Variants in ITGBL1 observed in about 807,000 individuals in gnomAD.
The protein encoded by ITGBL1 is integrin beta-like protein 1.
ITGBL1 carries 51 observed loss-of-function variants against 68.5 expected under a neutral mutation model. That is an observed-to-expected ratio of 0.74 (90% confidence interval 0.59 to 0.94). The LOEUF is 0.94. Ranked by LOEUF, ITGBL1 falls within the 40% of genes least tolerant of loss-of-function variation. The pLI is 0.00. For synonymous variants in ITGBL1, 209 were observed against 227.3 expected (o/e 0.92, Z 0.72); for missense variants, 649 against 647.4 (o/e 1.00, Z -0.03).
chr13:101,548,621 A>G (rs1477687248), intron 2 of ITGBL1, among the ~76,000 whole-genome samples: 3 of 151,806 alleles, frequency 2.0e-5, no homozygotes, highest in Non-Finnish European at 4.4e-5. Context: ...ACATTGTTTT[A>G]TACATAGAAG....
At chr13:101,706,733 C>T (rs200757366) in intron 8 of ITGBL1, 23 bp from the exon 9 acceptor site, 1 of 1,610,072 alleles carries the variant, frequency 6.2e-7, no homozygotes, top group Non-Finnish European at 8.5e-7. Flanking sequence ...TCCTCTCACT[C>T]CTTTCCTGTG....
At chr13:101,507,923 C>T (rs1747218399) in intron 2 of ITGBL1, among the ~76,000 whole-genome samples, 1 of 152,134 alleles carries the variant, frequency 6.6e-6, no homozygotes, top group Non-Finnish European at 1.5e-5. Flanking sequence ...TTTTAAGGCA[C>T]CAAACCTTTT....
At position 101,613,777 on chromosome 13, in the gene ITGBL1, G is replaced by GA. The variant is rs141975928; in HGVS notation, c.1015+15479dup. On this transcript the variant is annotated intron_variant, in intron 7 of 10. Coordinates refer to ENST00000376180, the MANE Select transcript of ITGBL1 (RefSeq NM_004791.3). ...CCAGTGCTGAGTTCCCACCCGACTT[G>GA]ATTTGTCTGCAATATGGCCTGGGCG... 2.2e-3 allele frequency among the ~76,000 whole-genome samples: 328 copies of GA among 152,206 alleles called. 3 individuals carry two copies. The highest frequency in any genetic ancestry group is 7.4e-3 in the African/African-American group (309 of 41,542).
At chr13:101,486,007 A>G (rs2048697527) in intron 2 of ITGBL1, among the ~76,000 whole-genome samples, 1 of 152,202 alleles carries the variant, frequency 6.6e-6, no homozygotes, top group Non-Finnish European at 1.5e-5. Flanking sequence ...TATCTACCCA[A>G]TGGAAAAGAA....
intron 7 of ITGBL1, among the ~76,000 whole-genome samples, chr13:101,602,989 G>C (rs1310241365): frequency 6.6e-6 from 1 of 151,904 alleles, no homozygotes; most frequent in African/African-American, 2.4e-5. Flanking sequence ...TGGGCATTTG[G>C]ACATAGGATT....
chr13:101,699,337 C>T (rs1014783084), intron 8 of ITGBL1, among the ~76,000 whole-genome samples: 4 of 152,218 alleles, frequency 2.6e-5, no homozygotes, highest in Non-Finnish European at 5.9e-5. Flanking sequence ...CTCTCTTCTG[C>T]TCTGCCCTTC....
intron 2 of ITGBL1, among the ~76,000 whole-genome samples, chr13:101,507,012 A>C (rs765794067): frequency 1.3e-5 from 2 of 152,208 alleles, no homozygotes; most frequent in Non-Finnish European, 2.9e-5. Flanking sequence ...GGGTGGAGGA[A>C]GAAGAAATAA....
intron 7 of ITGBL1, among the ~76,000 whole-genome samples, chr13:101,665,032 C>A (rs944737463): frequency 6.6e-6 from 1 of 152,202 alleles, no homozygotes; most frequent in Non-Finnish European, 1.5e-5. Context: ...CCTCACCCAG[C>A]CAATACATTC....
At chr13:101,609,746 A>G (rs2031036229) in intron 7 of ITGBL1, among the ~76,000 whole-genome samples, 1 of 152,162 alleles carries the variant, frequency 6.6e-6, no homozygotes, top group Non-Finnish European at 1.5e-5. Flanking sequence ...GTGGAAAATA[A>G]TAAACATAAT....
Position 101,676,402 on chromosome 13 carries a change from G to A in ITGBL1, c.1016-16183G>A, listed in dbSNP as rs999195662. On this transcript the variant is annotated intron_variant, in intron 7 of 10. Coordinates refer to ENST00000376180, the MANE Select transcript of ITGBL1 (RefSeq NM_004791.3). ...GAGATAATATCTAAAGTGAAAATCT[G>A]TGGTGTTTATGGAATGTTTATCAAT... Among the ~76,000 whole-genome samples, 6 of 152,246 alleles carry A rather than the reference G, an allele frequency of 3.9e-5. No individual in the cohort carries two copies. The East Asian group carries it at 1.2e-3, about 29-fold the overall frequency.
chr13:101,551,742 T>C (rs2049924340), intron 2 of ITGBL1, among the ~76,000 whole-genome samples: 1 of 152,242 alleles, frequency 6.6e-6, no homozygotes, highest in Non-Finnish European at 1.5e-5. Flanking sequence ...CATATGCTTA[T>C]GTTATTTTAT....
intron 7 of ITGBL1, among the ~76,000 whole-genome samples, chr13:101,605,684 G>A (rs900612194): frequency 2.0e-5 from 3 of 151,450 alleles, no homozygotes; most frequent in South Asian, 2.1e-4. Flanking sequence ...GTGTTTATGC[G>A]TATACACGTA....
intron 2 of ITGBL1, among the ~76,000 whole-genome samples, chr13:101,536,941 A>G (rs1027774053): frequency 2.4e-4 from 36 of 152,068 alleles, no homozygotes; most frequent in African/African-American, 8.2e-4. Flanking sequence ...CTTTTAATAC[A>G]TAGATATTCT....
chr13:101,524,552 TG>T (rs2049340870), intron 2 of ITGBL1, among the ~76,000 whole-genome samples: 1 of 152,046 alleles, frequency 6.6e-6, no homozygotes, highest in South Asian at 2.1e-4. Context: ...GATGTAATTT[TG>T]CATTTGTTTG....
chr13:101,548,122 T>C (rs1481281080), intron 2 of ITGBL1, among the ~76,000 whole-genome samples: 1 of 151,826 alleles, frequency 6.6e-6, no homozygotes, highest in Non-Finnish European at 1.5e-5. Flanking sequence ...CTTCTTAAAT[T>C]CTGTTAGAAT....
chr13:101,586,594 G>T (rs2050561812), intron 6 of ITGBL1, among the ~76,000 whole-genome samples: 1 of 152,154 alleles, frequency 6.6e-6, no homozygotes, highest in African/African-American at 2.4e-5. Flanking sequence ...ACTTGATAAA[G>T]TTCACACTGC....
intron 7 of ITGBL1, among the ~76,000 whole-genome samples, chr13:101,667,258 C>A (rs1207486288): frequency 6.6e-6 from 1 of 152,232 alleles, no homozygotes; most frequent in Non-Finnish European, 1.5e-5. Context: ...AAAAGTGCAA[C>A]TAGAGGGCTA....
At chr13:101,615,014 A>T (rs544023894) in intron 7 of ITGBL1, among the ~76,000 whole-genome samples, 2 of 152,316 alleles carry the variant, frequency 1.3e-5, no homozygotes, top group South Asian at 4.1e-4. Flanking sequence ...AACAACAGAA[A>T]TTTATTCCCA....
At chr13:101,480,892 T>G (rs1371109022) in intron 2 of ITGBL1, among the ~76,000 whole-genome samples, 1 of 151,846 alleles carries the variant, frequency 6.6e-6, no homozygotes, top group Non-Finnish European at 1.5e-5. Context: ...TAGGATATCA[T>G]GGACATTTTG....
Sources: gnomAD v4.1 joint callset for allele counts (sites outside exome capture counted in the v4.1 genomes callset) on GRCh38, gnomAD v4.1.1 for gene constraint, MANE v1.5 for transcripts, NCBI Gene and HGNC (gene_info 2026-07-23, HGNC 2026-07-21) for gene names.